The following HHAT variants were observed in gnomAD, a reference collection of about 807,000 sequenced individuals.
HHAT encodes the protein hedgehog acyltransferase, also known as protein-cysteine N-palmitoyltransferase HHAT.
HHAT carries 47 observed loss-of-function variants against 70.8 expected under a neutral mutation model. The ratio of observed to expected loss-of-function variants is 0.66; its 90% CI spans 0.53 to 0.85. The LOEUF (loss-of-function observed/expected upper bound fraction) is 0.85. Ranked by LOEUF, HHAT falls within the 40% of genes least tolerant of loss-of-function variation. The probability of loss-of-function intolerance (pLI) is 0.00; values close to 1 mark genes in which losing one functional copy is unlikely to be tolerated. For synonymous variants in HHAT, 228 were observed against 247.6 expected (o/e 0.92, Z 0.74); for missense variants, 609 against 604.8 (o/e 1.01, Z -0.07).
intron 10 of HHAT, among the ~76,000 whole-genome samples, chr1:210,619,173 G>T (rs111335578): frequency 3.3e-5 from 5 of 152,214 alleles, no homozygotes; most frequent in African/African-American, 9.6e-5. Flanking sequence ...ACATTCACAG[G>T]GAGAGAAACT....
intron 11 of HHAT, among the ~76,000 whole-genome samples, chr1:210,664,830 A>G (rs1268504860): frequency 1.3e-5 from 2 of 152,272 alleles, no homozygotes; most frequent in East Asian, 3.9e-4. Flanking sequence ...CTAGGGTAGC[A>G]TATCATTCTT....
rs199549970 is a variant in HHAT, at chr1:210,340,244, A to G, written c.-43-8689A>G. Among the ~76,000 whole-genome samples the G allele has an allele frequency of 5.7e-4, 29 of 50,482 alleles. 1 individual carries two copies. Among genetic ancestry groups the G allele is most frequent in the African/African-American group, 5.6e-3 (26 of 4,670 alleles). The allele number at this position is 50,482 out of a possible 152,430, so 33.1% of individuals were successfully genotyped here. ...GGATAGAGCAAGACTCTGTCTCAGA[A>G]AAAAAAAAAAAAAAAAAAAAAAAAG... On this transcript the variant is annotated intron_variant, in intron 1 of 11. Coordinates refer to ENST00000261458, the MANE Select transcript of HHAT (RefSeq NM_018194.6).
At chr1:210,539,147 A>G (rs1465654971) in intron 9 of HHAT, among the ~76,000 whole-genome samples, 1 of 152,150 alleles carries the variant, frequency 6.6e-6, no homozygotes, top group Non-Finnish European at 1.5e-5. Context: ...TTATGGAACA[A>G]AAGAAAAAGG....
chr1:210,364,921 G>C (rs2088753814), intron 3 of HHAT, among the ~76,000 whole-genome samples: 1 of 152,140 alleles, frequency 6.6e-6, no homozygotes, highest in Admixed American at 6.6e-5. Flanking sequence ...TGACAAATCT[G>C]TCCATCCCTC....
At chr1:210,411,225 A>G (rs988627753) in intron 6 of HHAT, among the ~76,000 whole-genome samples, 1 of 152,066 alleles carries the variant, frequency 6.6e-6, no homozygotes, top group Admixed American at 6.5e-5. Flanking sequence ...TCCAGCTGCT[A>G]TCTCTCCACT....
At chr1:210,413,178 A>G (rs10863826) in intron 6 of HHAT, among the ~76,000 whole-genome samples, 44,599 of 152,198 alleles carry the variant, frequency 0.29, 6,763 homozygotes, top group East Asian at 0.48. Context: ...ATTGTAAAAC[A>G]TAACTAAAAT....
At chr1:210,669,371 AC>A (rs1453669881) in intron 11 of HHAT, among the ~76,000 whole-genome samples, 1 of 144,248 alleles carries the variant, frequency 6.9e-6, no homozygotes, top group African/African-American at 2.4e-5. Context: ...TCTGTGTCCT[AC>A]CTGTTTCTCA....
At chr1:210,498,954 G>C (rs539262899) in intron 8 of HHAT, among the ~76,000 whole-genome samples, 3 of 152,010 alleles carry the variant, frequency 2.0e-5, no homozygotes, top group African/African-American at 7.2e-5. Flanking sequence ...ATTTTTGGTA[G>C]AGACCAGGTT....
At chr1:210,331,385 C>G (rs1300403735) in intron 1 of HHAT, among the ~76,000 whole-genome samples, 1 of 152,144 alleles carries the variant, frequency 6.6e-6, no homozygotes, top group Non-Finnish European at 1.5e-5. Flanking sequence ...TGGAAGCAGG[C>G]TTTTCGGTGC....
chr1:210,418,352 G>A, intron 7 of HHAT, 27 bp downstream of exon 7: 1 of 1,557,458 alleles, frequency 6.4e-7, no homozygotes. Flanking sequence ...CCAACAGTGG[G>A]ATGAGCCCCA....
chr1:210,652,580 TC>T (rs965981711), intron 11 of HHAT, among the ~76,000 whole-genome samples: 1 of 152,078 alleles, frequency 6.6e-6, no homozygotes, highest in Non-Finnish European at 1.5e-5. Context: ...CTATGGAGGC[TC>T]CCGCAACTCA....
chr1:210,387,625 T>G, intron 4 of HHAT, 44 bp downstream of exon 4: 2 of 1,478,462 alleles, frequency 1.4e-6, no homozygotes, highest in Non-Finnish European at 1.9e-6. Flanking sequence ...GTTTTTCCTT[T>G]GCTTCTTGTG....
chr1:210,545,079 TTA>T (rs1491117866), intron 9 of HHAT, among the ~76,000 whole-genome samples: 1 of 151,654 alleles, frequency 6.6e-6, no homozygotes, highest in African/African-American at 2.4e-5. Flanking sequence ...GAGAATGGCT[TTA>T]AAAAAAAAAA....
chr1:210,455,386 C>T (rs991198910), intron 7 of HHAT, among the ~76,000 whole-genome samples: 4 of 152,166 alleles, frequency 2.6e-5, no homozygotes, highest in Non-Finnish European at 5.9e-5. Flanking sequence ...ACGTTGTGCT[C>T]TTTGAGGCTG....
intron 11 of HHAT, among the ~76,000 whole-genome samples, chr1:210,626,914 G>T (rs868838006): frequency 3.9e-5 from 6 of 152,170 alleles, no homozygotes; most frequent in Admixed American, 1.3e-4. Flanking sequence ...GTGCACCTTT[G>T]ACAGCCTTGT....
At chr1:210,337,134 G>A (rs2085575198) in intron 1 of HHAT, among the ~76,000 whole-genome samples, 1 of 152,098 alleles carries the variant, frequency 6.6e-6, no homozygotes, top group African/African-American at 2.4e-5. Context: ...ATCAGTGTGG[G>A]GGGAAATTAG....
At chr1:210,643,355 T>C (rs1449339522) in intron 11 of HHAT, among the ~76,000 whole-genome samples, 1 of 152,256 alleles carries the variant, frequency 6.6e-6, no homozygotes, top group East Asian at 1.9e-4. Context: ...TATATAAATT[T>C]GTTAAGAATT....
At chr1:210,401,470 T>C (rs778509698) in intron 5 of HHAT, among the ~76,000 whole-genome samples, 1 of 152,164 alleles carries the variant, frequency 6.6e-6, no homozygotes, top group Admixed American at 6.5e-5. Flanking sequence ...TCAATTTAGG[T>C]AGTGAAAACA....
chr1:210,410,135 C>A (rs532941888), intron 6 of HHAT, among the ~76,000 whole-genome samples: 1 of 152,106 alleles, frequency 6.6e-6, no homozygotes, highest in East Asian at 1.9e-4. Context: ...TCACTGCAAC[C>A]TCCACCTCCC....
Sources: gnomAD v4.1 joint callset for allele counts (sites outside exome capture counted in the v4.1 genomes callset) on GRCh38, gnomAD v4.1.1 for gene constraint, MANE v1.5 for transcripts, NCBI Gene and HGNC (gene_info 2026-07-23, HGNC 2026-07-21) for gene names.